SLC71A2: variants seen among roughly 807,000 people sequenced by gnomAD.
The protein encoded by SLC71A2 is solute carrier family 71 member 2.
the SLC71A2 span, among the ~76,000 whole-genome samples, chr9:94,446,251 C>A: frequency 1.3e-5 from 2 of 152,134 alleles, no homozygotes; most frequent in Non-Finnish European, 2.9e-5. Context: ...TATTAACTTA[C>A]CATTTTGTTC....
At chr9:94,387,513 A>G in the SLC71A2 span, among the ~76,000 whole-genome samples, 2 of 152,130 alleles carry the variant, frequency 1.3e-5, no homozygotes, top group South Asian at 4.2e-4. Flanking sequence ...ATCAATTCTC[A>G]TGATAGTTTT....
chr9:94,392,827 A>C, the SLC71A2 span, among the ~76,000 whole-genome samples: 2 of 147,236 alleles, frequency 1.4e-5, no homozygotes, highest in African/African-American at 5.0e-5. Context: ...AAGATTACAC[A>C]ATGATCATCT....
the SLC71A2 span, among the ~76,000 whole-genome samples, chr9:94,457,416 TAAA>T: frequency 6.6e-6 from 1 of 151,716 alleles, no homozygotes; most frequent in Non-Finnish European, 1.5e-5. Flanking sequence ...AAAGTTTTAG[TAAA>T]AAACTATATT....
At chr9:94,457,243 T>C in the SLC71A2 span, among the ~76,000 whole-genome samples, 3 of 152,114 alleles carry the variant, frequency 2.0e-5, no homozygotes. Flanking sequence ...ATTACAGGTG[T>C]GAGCCCCCAT....
the SLC71A2 span, among the ~76,000 whole-genome samples, chr9:94,452,714 CAT>C: frequency 7.5e-3 from 615 of 81,972 alleles, 4 homozygotes; most frequent in African/African-American, 0.019. Flanking sequence ...CATATATATT[CAT>C]ATATATATAA....
chr9:94,407,655 G>C, the SLC71A2 span, among the ~76,000 whole-genome samples: 1 of 152,190 alleles, frequency 6.6e-6, no homozygotes, highest in East Asian at 1.9e-4. Flanking sequence ...GGGATTACAG[G>C]CATGAGCCAC....
chr9:94,384,746 G>A, the SLC71A2 span, among the ~76,000 whole-genome samples: 1 of 152,092 alleles, frequency 6.6e-6, no homozygotes, highest in Non-Finnish European at 1.5e-5. Context: ...TGGTGCGAAT[G>A]TCTCACTTTG....
chr9:94,450,492 A>ATTTTTTTTTTTTTTT, the SLC71A2 span, among the ~76,000 whole-genome samples: 8 of 52,492 alleles, frequency 1.5e-4, no homozygotes, highest in East Asian at 6.6e-4. Context: ...AAATAATGTA[A>ATTTTTTTTTTTTTTT]CTTTTTTTTT....
At chr9:94,443,519 A>AC in the SLC71A2 span, among the ~76,000 whole-genome samples, 1 of 145,090 alleles carries the variant, frequency 6.9e-6, no homozygotes, top group African/African-American at 2.5e-5. Context: ...ATGATTAGTC[A>AC]TGTTAATAAG....
the SLC71A2 span, among the ~76,000 whole-genome samples, chr9:94,418,772 T>G: frequency 9.6e-5 from 14 of 145,134 alleles, no homozygotes; most frequent in East Asian, 3.9e-4. Flanking sequence ...TTTTTTTTTT[T>G]TTTCACGAGT....
At chr9:94,440,059 T>G in the SLC71A2 span, among the ~76,000 whole-genome samples, 1 of 152,212 alleles carries the variant, frequency 6.6e-6, no homozygotes, top group Non-Finnish European at 1.5e-5. Context: ...CTGAAAAATA[T>G]TCCTATTGTA....
the SLC71A2 span, among the ~76,000 whole-genome samples, chr9:94,400,802 T>C: frequency 6.6e-6 from 1 of 152,150 alleles, no homozygotes; most frequent in East Asian, 1.9e-4. Flanking sequence ...CGTGGTGCCG[T>C]TTACCTATCA....
chr9:94,406,124 G>T, the SLC71A2 span, among the ~76,000 whole-genome samples: 1 of 125,038 alleles, frequency 8.0e-6, no homozygotes, highest in Admixed American at 8.7e-5. Flanking sequence ...CTGGAGTGTA[G>T]TGGGGTGATC....
At chr9:94,411,003 C>T in the SLC71A2 span, among the ~76,000 whole-genome samples, 3 of 152,284 alleles carry the variant, frequency 2.0e-5, no homozygotes, top group South Asian at 6.2e-4. Flanking sequence ...CTGCCTCGGC[C>T]TCACAAAGTG....
At chr9:94,445,113 TCTGC>T in the SLC71A2 span, 1 of 1,614,220 alleles carries the variant, frequency 6.2e-7, no homozygotes, top group Non-Finnish European at 8.5e-7. Context: ...TTCCAGAATC[TCTGC>T]CTGAGAAAAT....
chr9:94,398,319 A>T, the SLC71A2 span, among the ~76,000 whole-genome samples: 2 of 150,530 alleles, frequency 1.3e-5, no homozygotes, highest in African/African-American at 5.0e-5. Flanking sequence ...ACTGGGGAGG[A>T]AGAAAGTTTT....
the SLC71A2 span, among the ~76,000 whole-genome samples, chr9:94,399,560 G>T: frequency 1.3e-5 from 2 of 152,124 alleles, no homozygotes. Flanking sequence ...TCCTTCTCTT[G>T]TTTATTTGTA....
the SLC71A2 span, among the ~76,000 whole-genome samples, chr9:94,448,774 C>T: frequency 1.3e-5 from 2 of 152,194 alleles, no homozygotes; most frequent in East Asian, 1.9e-4. Flanking sequence ...CTGGGATTAT[C>T]GGTATGCACC....
At chr9:94,397,947 C>T in the SLC71A2 span, among the ~76,000 whole-genome samples, 1 of 152,134 alleles carries the variant, frequency 6.6e-6, no homozygotes, top group Admixed American at 6.6e-5. Context: ...CTATACTGTA[C>T]ACTTTGGAAG....
Sources: gnomAD v4.1 joint callset for allele counts (sites outside exome capture counted in the v4.1 genomes callset) on GRCh38, gnomAD v4.1.1 for gene constraint, MANE v1.5 for transcripts, NCBI Gene and HGNC (gene_info 2026-07-23, HGNC 2026-07-21) for gene names.